The following ROBO1 variants were observed in gnomAD, a reference collection of about 807,000 sequenced individuals.
ROBO1 encodes roundabout guidance receptor 1.
A neutral mutation model predicts 195.9 loss-of-function variants in ROBO1; 149 were observed. The ratio of observed to expected loss-of-function variants is 0.76; its 90% CI spans 0.67 to 0.87. The LOEUF (loss-of-function observed/expected upper bound fraction) is 0.87. Among genes scored for constraint, ROBO1 ranks in the 40% least tolerant of loss-of-function variants. The pLI, the probability that ROBO1 is intolerant of heterozygous loss-of-function variation, is 0.00. For missense variants in ROBO1, 1,933 were observed against 2,068.3 expected (o/e 0.93, Z 1.27); for synonymous variants, 816 against 733.2 (o/e 1.11, Z -1.82).
chr3:79,640,108 C>T (rs1296951955), intron 1 of ROBO1, among the ~76,000 whole-genome samples: 2 of 152,080 alleles, frequency 1.3e-5, no homozygotes, highest in Non-Finnish European at 2.9e-5. Flanking sequence ...ATGAAGTCTA[C>T]CAACTTCCCC....
chr3:79,434,702 C>G (rs540446604), intron 2 of ROBO1, among the ~76,000 whole-genome samples: 7 of 152,260 alleles, frequency 4.6e-5, no homozygotes, highest in African/African-American at 1.4e-4. Flanking sequence ...ACCCAGCCAT[C>G]CCATTACTGG....
chr3:78,673,228 G>A (rs9875094), intron 10 of ROBO1, among the ~76,000 whole-genome samples: 56,218 of 151,274 alleles, frequency 0.37, 12,951 homozygotes, highest in Middle Eastern at 0.54. Context: ...GGTTAGATTT[G>A]AAATTGTTCA....
intron 2 of ROBO1, among the ~76,000 whole-genome samples, chr3:79,484,180 C>G (rs1235119451): frequency 2.0e-5 from 3 of 152,094 alleles, no homozygotes; most frequent in Non-Finnish European, 2.9e-5. Context: ...TCTTTCTGAG[C>G]CTTAAAATTT....
chr3:79,347,494 A>G (rs1345927607), intron 2 of ROBO1, among the ~76,000 whole-genome samples: 1 of 152,212 alleles, frequency 6.6e-6, no homozygotes, highest in African/African-American at 2.4e-5. Flanking sequence ...ATGATAAGTG[A>G]ATAAATGCCT....
chr3:78,685,814 T>A lies in ROBO1; in HGVS notation c.1274A>T (p.Tyr425Phe). 1.2e-6 allele frequency: 2 copies of A among 1,612,440 alleles called. No individual in the cohort carries two copies. Among genetic ancestry groups the A allele is most frequent in the Non-Finnish European group, 1.7e-6 (2 of 1,178,888 alleles). The change falls in exon 10 of 31, where the codon TAT (tyrosine) becomes TTT (phenylalanine). Residue 425 changes from tyrosine to phenylalanine, a missense_variant. This residue lies in a region of ROBO1 where 1,737 missense variants were observed against 1,882.5 expected (regional missense o/e 0.92). Transcript: ENST00000464233. Reference sequence around the variant, plus strand: ...AACATTTAAAGTCTGGCAGATGTAATAACCAACATCAGATCGCTGGACATT... The same window carrying A: ...AACATTTAAAGTCTGGCAGATGTAAAAACCAACATCAGATCGCTGGACATT... The part of the protein sequence containing the change: ...ITNVQRSDVG[Y>F]YICQTLNVAG...
intron 2 of ROBO1, among the ~76,000 whole-genome samples, chr3:79,560,556 T>TATATATATATATATATATATATAC (rs944214132): frequency 1.7e-5 from 2 of 119,852 alleles, no homozygotes; most frequent in African/African-American, 6.2e-5. Flanking sequence ...TATATATATA[T>TATATATATATATATATATATATAC]ATACACATAC....
intron 1 of ROBO1, among the ~76,000 whole-genome samples, chr3:79,643,264 G>C (rs891999864): frequency 6.6e-6 from 1 of 152,182 alleles, no homozygotes. Context: ...TTCAGCCACA[G>C]ACTGAATGCT....
In ROBO1 at chr3:79,152,984, A is replaced by T. The variant is rs565514650; in HGVS notation, c.89-27445T>A. On this transcript the variant is annotated intron_variant, in intron 2 of 30. Coordinates refer to ENST00000464233, the MANE Select transcript of ROBO1 (RefSeq NM_002941.4). ...CATTTTGAAAAGCGAAAGAGGTTCA[A>T]GTCTGGCAAAGGTCAAATGATGTAG... 3.3e-5 allele frequency among the ~76,000 whole-genome samples: 5 copies of T among 151,888 alleles called. No homozygotes were observed. In the East Asian group the frequency reaches 9.7e-4, roughly 30 times the overall value.
At chr3:79,668,838 G>A (rs1001758484) in intron 1 of ROBO1, among the ~76,000 whole-genome samples, 11 of 151,656 alleles carry the variant, frequency 7.3e-5, no homozygotes, top group African/African-American at 2.4e-4. Flanking sequence ...CAAAGAAAAC[G>A]GGAATAGATA....
chr3:79,481,781 G>T (rs1377293753), intron 2 of ROBO1, among the ~76,000 whole-genome samples: 2 of 152,098 alleles, frequency 1.3e-5, no homozygotes, highest in Admixed American at 1.3e-4. Context: ...TAGTTCAGAA[G>T]AAATTTTGGT....
intron 2 of ROBO1, among the ~76,000 whole-genome samples, chr3:79,377,973 G>A (rs1575746165): frequency 1.3e-5 from 2 of 152,136 alleles, no homozygotes; most frequent in Non-Finnish European, 1.5e-5. Context: ...TAATTGGAAT[G>A]GCAGTCCTCA....
In ROBO1 at chr3:79,559,227, G is replaced by A. The variant is rs932673632; in HGVS notation, c.88+30597C>T. On this transcript the variant is annotated intron_variant, in intron 2 of 30. Transcript: ENST00000464233. ...AAGCCTATAAAAGCTCACTGCCTAT[G>A]CTGCACAGTAGAGCTCTCTGACCCT... Among the ~76,000 whole-genome samples the A allele has an allele frequency of 6.6e-5, 10 of 152,296 alleles. 1 individual carries two copies. Among genetic ancestry groups the A allele is most frequent in the Admixed American group, 5.9e-4 (9 of 15,302 alleles).
intron 1 of ROBO1, among the ~76,000 whole-genome samples, chr3:79,703,092 A>G (rs531500659): frequency 6.6e-6 from 1 of 152,102 alleles, no homozygotes. Flanking sequence ...CAAGTCTTAA[A>G]GGTTAATGTA....
At chr3:78,776,483 C>A (rs951982495) in intron 4 of ROBO1, among the ~76,000 whole-genome samples, 2 of 152,176 alleles carry the variant, frequency 1.3e-5, no homozygotes, top group Admixed American at 1.3e-4. Context: ...CTCCTGACCT[C>A]ACGTGATCCA....
intron 1 of ROBO1, among the ~76,000 whole-genome samples, chr3:79,664,391 C>T (rs141980543): frequency 1.3e-5 from 2 of 152,090 alleles, no homozygotes; most frequent in East Asian, 3.9e-4. Flanking sequence ...ATGTGAACTC[C>T]TAGCCTGTTA....
intron 2 of ROBO1, among the ~76,000 whole-genome samples, chr3:79,570,110 A>AAAAAAAC (rs912084090): frequency 5.9e-5 from 9 of 152,034 alleles, no homozygotes; most frequent in African/African-American, 2.2e-4. Context: ...AAACACAAAC[A>AAAAAAAC]AAAAAACAAT....
At chr3:79,731,245 T>A (rs922588007) in intron 1 of ROBO1, among the ~76,000 whole-genome samples, 7 of 152,176 alleles carry the variant, frequency 4.6e-5, no homozygotes, top group African/African-American at 1.7e-4. Context: ...TGCCTATGAT[T>A]TTTTCTAAAT....
At chr3:79,705,657 T>G (rs910564372) in intron 1 of ROBO1, among the ~76,000 whole-genome samples, 3 of 152,096 alleles carry the variant, frequency 2.0e-5, no homozygotes, top group Non-Finnish European at 4.4e-5. Flanking sequence ...GTGTTGGCTA[T>G]GCTAGGTCCT....
At chr3:79,167,005 T>C (rs905721185) in intron 2 of ROBO1, among the ~76,000 whole-genome samples, 4 of 152,072 alleles carry the variant, frequency 2.6e-5, no homozygotes, top group African/African-American at 9.7e-5. Context: ...CATATCCACG[T>C]GTCTCCAATG....
Sources: gnomAD v4.1 joint callset for allele counts (sites outside exome capture counted in the v4.1 genomes callset) on GRCh38, gnomAD v4.1.1 for gene constraint, gnomAD v4.1.1 regional missense constraint, MANE v1.5 for transcripts, NCBI Gene and HGNC (gene_info 2026-07-23, HGNC 2026-07-21) for gene names.